ZNF649: variants seen among roughly 807,000 people sequenced by gnomAD.
ZNF649 encodes the protein zinc finger protein 649.
A neutral mutation model predicts 14.1 loss-of-function variants in ZNF649; 7 were observed. The ratio of observed to expected loss-of-function variants is 0.49; its 90% CI spans 0.28 to 0.93. The LOEUF (loss-of-function observed/expected upper bound fraction) is 0.93, where lower values mean the gene tolerates loss of function less well. Among genes scored for constraint, ZNF649 ranks in the 40% least tolerant of loss-of-function variants. The probability of loss-of-function intolerance (pLI) is 0.10; values close to 1 mark genes in which losing one functional copy is unlikely to be tolerated. For missense variants in ZNF649, 544 were observed against 608.1 expected (o/e 0.89, Z 1.11); for synonymous variants, 227 against 212.3 (o/e 1.07, Z -0.60).
chr19:51,896,820 C>A, intron 3 of ZNF649, 32 bp downstream of exon 3: 1 of 1,614,068 alleles, frequency 6.2e-7, no homozygotes, highest in Non-Finnish European at 8.5e-7. Context: ...TGACTGGGTA[C>A]CCTCTGAGTG....
chr19:51,890,636 G>C lies in ZNF649; in HGVS notation c.1500C>G (p.Ala500=). 6.2e-7 allele frequency: 1 copy of C among 1,611,316 alleles called. No individual in the cohort carries two copies. Among genetic ancestry groups the C allele is most frequent in the Non-Finnish European group, 8.5e-7 (1 of 1,178,018 alleles). ...VAMVAGQCEF[A]HILHS Reference sequence around the variant, plus strand: ...CTGTTTATCATGAATGCAGGATGTGGGCAAACTCACACTGCCCTGCCACCA... The same window carrying C: ...CTGTTTATCATGAATGCAGGATGTGCGCAAACTCACACTGCCCTGCCACCA... The change falls in exon 5 of 5, where the codon GCC becomes GCG. Residue 500 remains alanine, a synonymous_variant. Transcript: ENST00000354957.
chr19:51,890,821 A>C lies in ZNF649; in HGVS notation c.1315T>G (p.Tyr439Asp), dbSNP rs1158813975. The C allele has an allele frequency of 6.2e-7, 1 of 1,614,218 alleles. No homozygotes were observed. Among genetic ancestry groups the C allele is most frequent in the Non-Finnish European group, 8.5e-7 (1 of 1,180,034 alleles). Reference sequence around the variant, plus strand: ...TTAACAAGGCAAGACATATAGAAGTAAGCTTTCTCACACTCATCACAGCCA... The same window carrying C: ...TTAACAAGGCAAGACATATAGAAGTCAGCTTTCTCACACTCATCACAGCCA... ...PYGCDECEKA[Y>D]FYMSCLVKHK... Residue 439 changes from tyrosine to aspartate, a missense_variant, in exon 5 of 5, where the codon TAC (tyrosine) becomes GAC (aspartate). By Grantham distance (160) the Tyr-to-Asp change is radical (BLOSUM62 -3). Coordinates refer to ENST00000354957, the MANE Select transcript of ZNF649 (RefSeq NM_023074.4).
At position 51,889,668 on chromosome 19, in the gene ZNF649, G is replaced by A. The variant is rs1443049932; in HGVS notation, c.*950C>T. 6.6e-6 allele frequency: 1 copy of A among 152,156 alleles called. No homozygotes were observed. Among genetic ancestry groups the A allele is most frequent in the Non-Finnish European group, 1.5e-5 (1 of 68,038 alleles). 9.4% of individuals were successfully genotyped at this position (152,156 alleles called of 1,614,324 possible). ...ATTAGGACTTCAACATGTAAATTTG[G>A]AGAGGACATAAATATGCAATCCCTC... On this transcript the variant is annotated 3_prime_UTR_variant, in exon 5 of 5. Transcript: ENST00000354957.
chr19:51,904,354 G>C (rs1457779921), intron 1 of ZNF649: 1 of 152,064 alleles, frequency 6.6e-6, no homozygotes, highest in East Asian at 1.9e-4. Flanking sequence ...TTTCTCCATT[G>C]CAATTTCCCT....
At chr19:51,899,576 A>G (rs56161429) in intron 2 of ZNF649, among the ~76,000 whole-genome samples, 3,237 of 152,316 alleles carry the variant, frequency 0.021, 119 homozygotes, top group African/African-American at 0.074. Flanking sequence ...CCTTCTTGGT[A>G]TAGTCCCATA....
In ZNF649 at chr19:51,896,484, G is replaced by C. The variant is rs768812041; in HGVS notation, c.226C>G (p.Pro76Ala). ...LWTLEDEIHSPAHPEIEKADD... is the reference protein window; with the variant it reads ...LWTLEDEIHSAAHPEIEKADD... ...CTCTCTCACTTACCTGGGTGGGCTG[G>C]ACTGTGGATTTCATCTTCTAGTGTC... Residue 76 changes from proline (P) to alanine (A), a missense_variant, in exon 4 of 5, where the codon CCA (proline) becomes GCA (alanine). Physicochemically the swap from Pro to Ala is conservative, Grantham distance 27. Transcript: ENST00000354957. 6.2e-7 allele frequency: 1 copy of C among 1,614,010 alleles called. No individual in the cohort carries two copies. The highest frequency in any genetic ancestry group is 8.5e-7 in the Non-Finnish European group (1 of 1,179,950).
chr19:51,901,626 C>G (rs1000097541), intron 1 of ZNF649, among the ~76,000 whole-genome samples: 2 of 151,468 alleles, frequency 1.3e-5, no homozygotes, highest in Admixed American at 6.6e-5. Flanking sequence ...GCCTGGGCAA[C>G]AGAGCAAGAC....
Position 51,890,765 on chromosome 19 carries a change from C to T in ZNF649, c.1371G>A (p.Arg457=). The T allele has an allele frequency of 1.2e-6, 2 of 1,614,198 alleles. No homozygotes were observed. The highest frequency in any genetic ancestry group is 1.3e-5 in the African/African-American group (1 of 75,050). ...GATTTTCCACCTTCACTGAATCCCC[C>T]CGTTTCTCCCTTGAGTGTATTCTCT... ...KHKRIHSREK[R]GDSVKVENPS... is the part of the protein sequence containing the mutation. The change falls in exon 5 of 5, where the codon CGG becomes CGA. Residue 457 remains arginine, a synonymous_variant. Transcript: ENST00000354957.
chr19:51,892,194 T>C (rs2085028463), intron 4 of ZNF649, among the ~76,000 whole-genome samples: 1 of 151,694 alleles, frequency 6.6e-6, no homozygotes, highest in African/African-American at 2.4e-5. Flanking sequence ...GCCAACATGG[T>C]GAAACCCCAT....
In ZNF649 at chr19:51,902,718, ATT is replaced by A. The variant is rs759253303; in HGVS notation, c.-188+2194_-188+2195del. Among the ~76,000 whole-genome samples, 3 of 152,000 alleles carry A rather than the reference ATT, an allele frequency of 2.0e-5. No individual in the cohort carries two copies. The South Asian group carries it at 6.2e-4, about 31-fold the overall frequency. The stretch of plus-strand genomic sequence containing the variant: ...CGATTTGGAATCATCAGAATTCTCG[ATT>A]TGGTAAAAATCGGATCCATCCAGTG... On this transcript the variant is annotated intron_variant, in intron 1 of 4. Transcript: ENST00000354957.
intron 2 of ZNF649, among the ~76,000 whole-genome samples, chr19:51,897,543 CATG>C (rs1254443511): frequency 3.3e-5 from 5 of 152,022 alleles, no homozygotes; most frequent in African/African-American, 1.2e-4. Flanking sequence ...TAAACTATAC[CATG>C]ATATTTAGCA....
chr19:51,899,606 G>C (rs149987268), intron 2 of ZNF649, among the ~76,000 whole-genome samples: 1 of 152,292 alleles, frequency 6.6e-6, no homozygotes, highest in African/African-American at 2.4e-5. Flanking sequence ...GAATAATCAT[G>C]TAGAAACAGT....
intron 4 of ZNF649, among the ~76,000 whole-genome samples, chr19:51,892,104 G>C (rs373809558): frequency 6.6e-6 from 1 of 152,022 alleles, no homozygotes; most frequent in Non-Finnish European, 1.5e-5. Flanking sequence ...AGCTGGGTGC[G>C]GTGGCTTATG....
intron 2 of ZNF649, 49 bp downstream of exon 2, chr19:51,900,044 A>T: frequency 6.9e-7 from 1 of 1,457,270 alleles, no homozygotes; most frequent in African/African-American, 1.4e-5. Flanking sequence ...TCAGACTTCC[A>T]CAAATCCATC....
chr19:51,899,832 T>C, intron 2 of ZNF649: 1 of 360,956 alleles, frequency 2.8e-6, no homozygotes, highest in Non-Finnish European at 4.9e-6. Context: ...GCCAAAGATT[T>C]TGGACACAAG....
intron 4 of ZNF649, among the ~76,000 whole-genome samples, chr19:51,895,637 C>T (rs528458167): frequency 1.9e-4 from 29 of 152,226 alleles, no homozygotes; most frequent in Admixed American, 9.8e-4. Context: ...CCACCATGCC[C>T]GGCCTCCTAT....
intron 1 of ZNF649, among the ~76,000 whole-genome samples, chr19:51,902,717 G>A (rs74912332): frequency 0.088 from 13,412 of 151,820 alleles, 1,871 homozygotes; most frequent in African/African-American, 0.3. Flanking sequence ...CAGAATTCTC[G>A]ATTTGGTAAA....
chr19:51,892,621 C>T (rs1197005109), intron 4 of ZNF649, among the ~76,000 whole-genome samples: 1 of 152,184 alleles, frequency 6.6e-6, no homozygotes, highest in Non-Finnish European at 1.5e-5. Flanking sequence ...GTTGGATACA[C>T]AGCCTTTGAC....
Position 51,891,660 on chromosome 19 carries a change from A to C in ZNF649, c.476T>G (p.Ile159Ser). 1 of 1,614,038 alleles carries C rather than the reference A, an allele frequency of 6.2e-7. No individual in the cohort carries two copies. The highest frequency in any genetic ancestry group is 1.1e-5 in the South Asian group (1 of 91,066). Residue 159 changes from isoleucine to serine, a missense_variant, in exon 5 of 5, where the codon ATC becomes AGC. Coordinates refer to ENST00000354957, the MANE Select transcript of ZNF649 (RefSeq NM_023074.4). This position sits in a 1 kb window ranked among gnomAD's most constrained non-coding sequence, Gnocchi z 4.2. ...EIEFPESRKPISTKSQFLKHQ... is the reference protein window; with the variant it reads ...EIEFPESRKPSSTKSQFLKHQ... ...TTTAAGGAATTGTGACTTGGTGCTG[A>C]TGGGTTTTCTACTTTCAGGGAATTC...
Sources: allele counts gnomAD v4.1 joint callset (sites outside exome capture counted in the v4.1 genomes callset), GRCh38; gene constraint gnomAD v4.1.1; non-coding constraint Gnocchi (gnomAD v3.1); transcripts MANE v1.5; gene names NCBI Gene and HGNC (gene_info 2026-07-23, HGNC 2026-07-21).